DNAJC2: variants seen among roughly 807,000 people sequenced by gnomAD.
DNAJC2 encodes DnaJ heat shock protein family (Hsp40) member C2.
Under a neutral mutation model 94.0 loss-of-function variants are expected in DNAJC2, and 32 were observed. The ratio of observed to expected loss-of-function variants is 0.34; its 90% CI spans 0.26 to 0.46. DNAJC2 has a LOEUF of 0.46. DNAJC2 is among the 20% of genes least tolerant of loss of function. The pLI is 1.00. For synonymous variants in DNAJC2, 210 were observed against 229.7 expected, an observed-to-expected ratio of 0.91 and a Z score of 0.77; for missense variants, 550 against 719.5, an observed-to-expected ratio of 0.76 and a Z score of 2.69.
intron 9 of DNAJC2, 107 bp downstream of exon 9, chr7:103,322,404 C>A (rs1331086259): frequency 3.2e-5 from 38 of 1,174,528 alleles, no homozygotes; most frequent in Non-Finnish European, 4.4e-5. Flanking sequence ...GCACCCAATT[C>A]TCTGCTTTCG....
rs752109054 is a variant in DNAJC2, at chr7:103,315,749, A to G, written c.1636+15T>C. 1 of 1,602,710 alleles carries G rather than the reference A, an allele frequency of 6.2e-7. No homozygotes were observed. Among genetic ancestry groups the G allele is most frequent in the Non-Finnish European group, 8.5e-7 (1 of 1,170,026 alleles). On this transcript the variant is annotated intron_variant, in intron 15 of 16. Transcript: ENST00000379263. Reference sequence around the variant, plus strand: ...CATGGCTAGCATTTTCTACGTTTAGAAAAGCAAAATTTACCTTCAAATCGT... The same window carrying G: ...CATGGCTAGCATTTTCTACGTTTAGGAAAGCAAAATTTACCTTCAAATCGT...
chr7:103,323,433 A>T (rs1818529972), intron 7 of DNAJC2, among the ~76,000 whole-genome samples, 165 bp downstream of exon 7: 1 of 152,216 alleles, frequency 6.6e-6, no homozygotes, highest in South Asian at 2.1e-4. Context: ...ATCTGGGCCC[A>T]CCTAGTTTAA....
At position 103,322,686 on chromosome 7, in the gene DNAJC2, A is replaced by C. The variant is rs534223131; in HGVS notation, c.811+17T>G. Reference sequence around the variant, plus strand: ...TGAATTTCTAACATTTAGGGGACTTAAATCAATTCTACTTACCAACTAATG... The same window carrying C: ...TGAATTTCTAACATTTAGGGGACTTCAATCAATTCTACTTACCAACTAATG... On this transcript the variant is annotated intron_variant, in intron 8 of 16. Coordinates refer to ENST00000379263, the MANE Select transcript of DNAJC2 (RefSeq NM_014377.3). 6.2e-7 allele frequency: 1 copy of C among 1,612,722 alleles called. No individual in the cohort carries two copies. Among genetic ancestry groups the C allele is most frequent in the African/African-American group, 1.3e-5 (1 of 75,010 alleles).
chr7:103,314,372 AG>A, intron 15 of DNAJC2: 1 of 985,446 alleles, frequency 1.0e-6, no homozygotes, highest in Non-Finnish European at 1.2e-6. Flanking sequence ...CTGAAGAGGA[AG>A]GAGCCTTCCC....
At chr7:103,313,193 C>A in intron 15 of DNAJC2, 92 bp from the exon 16 acceptor site, 1 of 1,471,654 alleles carries the variant, frequency 6.8e-7, no homozygotes, top group African/African-American at 1.4e-5. Context: ...GTGCCCATTT[C>A]AATCTGGGAT....
chr7:103,342,695 G>A (rs1298412220), intron 1 of DNAJC2, among the ~76,000 whole-genome samples: 3 of 148,106 alleles, frequency 2.0e-5, no homozygotes, highest in South Asian at 2.2e-4. Context: ...TGAAAGCTCC[G>A]CCTCCCGGGT....
At chr7:103,320,770 T>C in intron 10 of DNAJC2, 3 of 164,220 alleles carry the variant, frequency 1.8e-5, no homozygotes, top group South Asian at 2.7e-4. Context: ...CACATATATA[T>C]ATATATATAT....
At chr7:103,344,533 G>A (rs773818077) in intron 1 of DNAJC2, 26 bp downstream of exon 1, 20 of 1,613,462 alleles carry the variant, frequency 1.2e-5, no homozygotes, top group Non-Finnish European at 1.4e-5. Context: ...GAGGTGAGAA[G>A]GAACCGAGGT....
At chr7:103,327,147 T>C (rs1312506314) in intron 4 of DNAJC2, among the ~76,000 whole-genome samples, 2 of 152,328 alleles carry the variant, frequency 1.3e-5, no homozygotes, top group Non-Finnish European at 2.9e-5. Context: ...GTAACCTACA[T>C]TAATTTGCTT....
intron 1 of DNAJC2, among the ~76,000 whole-genome samples, chr7:103,343,038 T>C (rs760396852): frequency 2.6e-5 from 4 of 151,352 alleles, no homozygotes; most frequent in Non-Finnish European, 5.9e-5. Context: ...TTGCTCTTGT[T>C]GTCCAGGCTG....
intron 10 of DNAJC2, 123 bp downstream of exon 10, chr7:103,321,809 C>T (rs556267919): frequency 3.6e-6 from 4 of 1,107,130 alleles, no homozygotes; most frequent in African/African-American, 3.2e-5. Flanking sequence ...GATCGCGCCA[C>T]TGCACTCCAG....
chr7:103,342,375 G>A (rs1163121599), intron 1 of DNAJC2, among the ~76,000 whole-genome samples: 1 of 151,256 alleles, frequency 6.6e-6, no homozygotes. Flanking sequence ...GCGAGATCTC[G>A]GCTCAATGCC....
chr7:103,322,753 G>A lies in DNAJC2; in HGVS notation c.761C>T (p.Thr254Ile), dbSNP rs1046030267. The A allele has an allele frequency of 6.2e-7, 1 of 1,608,728 alleles. No individual in the cohort carries two copies. The highest frequency in any genetic ancestry group is 1.1e-5 in the South Asian group (1 of 91,014). ...RRWIEKQNRA[T>I]RAQRKKEEMN... is the part of the protein sequence containing the mutation. ...TTCTTCTTTTTTTCTTTGTGCTCTT[G>A]TTGCTCTGTTCTGCTTTTCAATCCA... The change falls in exon 8 of 17, where the codon ACA becomes ATA. Residue 254 changes from threonine to isoleucine, a missense_variant. Physicochemically the swap from Thr to Ile is moderately conservative, Grantham distance 89. Coordinates refer to ENST00000379263, the MANE Select transcript of DNAJC2 (RefSeq NM_014377.3).
chr7:103,328,163 C>G (rs1818805677), intron 3 of DNAJC2, among the ~76,000 whole-genome samples: 1 of 151,790 alleles, frequency 6.6e-6, no homozygotes, highest in Admixed American at 6.6e-5. Context: ...CTCAGGTGAT[C>G]CACCCGCCTC....
intron 15 of DNAJC2, chr7:103,314,038 A>G: frequency 1.0e-6 from 1 of 985,438 alleles, no homozygotes; most frequent in Non-Finnish European, 1.2e-6. Flanking sequence ...ACAAAACAAA[A>G]CAAAACAAAA....
chr7:103,344,636 C>T lies in DNAJC2; in HGVS notation c.-14G>A. 1 of 1,607,454 alleles carries T rather than the reference C, an allele frequency of 6.2e-7. No individual in the cohort carries two copies. Among genetic ancestry groups the T allele is most frequent in the African/African-American group, 1.3e-5 (1 of 75,056 alleles). On this transcript the variant is annotated 5_prime_UTR_variant, in exon 1 of 17. Coordinates refer to ENST00000379263, the MANE Select transcript of DNAJC2 (RefSeq NM_014377.3). ...CAGAAGCAGCATGATGGCGCCGGGT[C>T]TAGCCCGGTGGGCGCAGCGGCTCAC...
intron 9 of DNAJC2, 93 bp downstream of exon 9, chr7:103,322,418 T>C (rs1173573446): frequency 8.0e-7 from 1 of 1,245,726 alleles, no homozygotes; most frequent in Non-Finnish European, 1.1e-6. Context: ...GCTTTCGAAT[T>C]ATAGTTTTTT....
At position 103,313,115 on chromosome 7, in the gene DNAJC2, A is replaced by G; in HGVS notation, c.1637-14T>C. On this transcript the variant is annotated splice_polypyrimidine_tract_variant and intron_variant, in intron 15 of 16. Coordinates refer to ENST00000379263, the MANE Select transcript of DNAJC2 (RefSeq NM_014377.3). ...CTGTATATGGACCTGATTAAGAAAA[A>G]TTTTTATTTGAAAACTGTCTTTGAA... 4 of 1,592,720 alleles carry G rather than the reference A, an allele frequency of 2.5e-6. No homozygotes were observed. The highest frequency in any genetic ancestry group is 4.5e-5 in the East Asian group (2 of 44,632).
chr7:103,331,922 A>C (rs1410013790), intron 3 of DNAJC2, among the ~76,000 whole-genome samples: 1 of 152,158 alleles, frequency 6.6e-6, no homozygotes. Context: ...TTTTTTGAGA[A>C]ATCTCCATAC....
Sources: allele counts gnomAD v4.1 joint callset (sites outside exome capture counted in the v4.1 genomes callset), GRCh38; gene constraint gnomAD v4.1.1; transcripts MANE v1.5; gene names NCBI Gene and HGNC (gene_info 2026-07-23, HGNC 2026-07-21).